Variants in PDLIM1 observed in about 807,000 individuals in gnomAD.
The protein encoded by PDLIM1 is PDZ and LIM domain protein 1.
PDLIM1 carries 25 observed loss-of-function variants against 35.2 expected under a neutral mutation model. The observed-to-expected ratio is 0.71, with a 90% CI of 0.52 to 0.99. The LOEUF is 0.99. Ranked by LOEUF, PDLIM1 falls within the 50% of genes least tolerant of loss-of-function variation. The pLI is 0.00. For missense variants in PDLIM1, 363 were observed against 415.3 expected, an observed-to-expected ratio of 0.87 and a Z score of 1.09; for synonymous variants, 152 against 154.0, an observed-to-expected ratio of 0.99 and a Z score of 0.10.
intron 1 of PDLIM1, among the ~76,000 whole-genome samples, chr10:95,280,313 T>C (rs2035550304): frequency 6.6e-6 from 1 of 152,096 alleles, no homozygotes; most frequent in Admixed American, 6.5e-5. Flanking sequence ...AGGCAGAGGT[T>C]GCAATGAGCC....
rs1332009958 is a variant in PDLIM1, at chr10:95,290,346, G to GT, written c.96+473dup. On this transcript the variant is annotated intron_variant, in intron 1 of 6. Coordinates refer to ENST00000329399, the MANE Select transcript of PDLIM1 (RefSeq NM_020992.4). This position sits in a 1 kb window ranked among gnomAD's most constrained non-coding sequence, Gnocchi z 4.7. ...CAAGTCCAAAGAGCGTGTTTCGGTTGTTTTTTTAGGTTAATCCCACTTGCC... is the reference window on the plus strand; with the variant it reads ...CAAGTCCAAAGAGCGTGTTTCGGTTGTTTTTTTTAGGTTAATCCCACTTGCC... Among the ~76,000 whole-genome samples, 3 of 152,052 alleles carry GT rather than the reference G, an allele frequency of 2.0e-5. No homozygotes were observed. Among genetic ancestry groups the GT allele is most frequent in the Admixed American group, 2.0e-4 (3 of 15,264 alleles).
At chr10:95,281,674 T>C (rs558342183) in intron 1 of PDLIM1, among the ~76,000 whole-genome samples, 2 of 152,316 alleles carry the variant, frequency 1.3e-5, no homozygotes, top group South Asian at 4.1e-4. Context: ...TTTTTTTAAA[T>C]AGAGATGGGG....
intron 1 of PDLIM1, chr10:95,273,121 G>A (rs926847183): frequency 6.6e-6 from 1 of 152,150 alleles, no homozygotes; most frequent in Non-Finnish European, 1.5e-5. Context: ...TCATCCCAGG[G>A]TAAGTTCACA....
chr10:95,283,006 T>G (rs755263625), intron 1 of PDLIM1, among the ~76,000 whole-genome samples: 8 of 152,146 alleles, frequency 5.3e-5, no homozygotes, highest in Non-Finnish European at 8.8e-5. Context: ...TGCTTTTAAA[T>G]AGCTCCAACA....
intron 1 of PDLIM1, among the ~76,000 whole-genome samples, chr10:95,272,872 CCAAT>C (rs1266181660): frequency 6.6e-6 from 1 of 152,026 alleles, no homozygotes; most frequent in Non-Finnish European, 1.5e-5. Context: ...TTGGGGGAAG[CCAAT>C]CAATTACTGC....
chr10:95,277,408 GGC>G (rs1398711478), intron 1 of PDLIM1, among the ~76,000 whole-genome samples: 1 of 151,950 alleles, frequency 6.6e-6, no homozygotes, highest in Admixed American at 6.6e-5. Flanking sequence ...GAGGTCAGAT[GGC>G]AGGCAGATCA....
chr10:95,243,452 C>G (rs977109231), intron 5 of PDLIM1, among the ~76,000 whole-genome samples: 1 of 152,184 alleles, frequency 6.6e-6, no homozygotes, highest in African/African-American at 2.4e-5. Context: ...CTGTCCACTT[C>G]ACTGCTCAAC....
At chr10:95,280,516 A>G (rs2035552490) in intron 1 of PDLIM1, among the ~76,000 whole-genome samples, 1 of 152,214 alleles carries the variant, frequency 6.6e-6, no homozygotes, top group Non-Finnish European at 1.5e-5. Flanking sequence ...GGATTACCAA[A>G]TGCCCTGATT....
chr10:95,257,514 A>C (rs1762148392), intron 4 of PDLIM1, among the ~76,000 whole-genome samples: 1 of 152,226 alleles, frequency 6.6e-6, no homozygotes, highest in Non-Finnish European at 1.5e-5. Flanking sequence ...ATTTGAATAG[A>C]CATTTAGCCA....
intron 5 of PDLIM1, among the ~76,000 whole-genome samples, chr10:95,244,406 T>A (rs527509552): frequency 6.6e-6 from 1 of 152,320 alleles, no homozygotes; most frequent in East Asian, 1.9e-4. Flanking sequence ...TTAGCTTCAA[T>A]GGATCTGTGC....
Position 95,290,715 on chromosome 10 carries a change from C to T in PDLIM1, c.96+105G>A, listed in dbSNP as rs899097753. 42 of 630,892 alleles carry T rather than the reference C, an allele frequency of 6.7e-5. No homozygotes were observed. The African/African-American group carries it at 7.1e-4, about 11-fold the overall frequency. The allele number at this position is 630,892 out of a possible 1,614,324, so 39.1% of individuals were successfully genotyped here. ...AACTAACAGCGCACCTGGACGCGCC[C>T]GGCTGCGGTTCCGACTCCGTCCCCG... On this transcript the variant is annotated intron_variant, in intron 1 of 6. Coordinates refer to ENST00000329399, the MANE Select transcript of PDLIM1 (RefSeq NM_020992.4). The surrounding 1 kb of genome is among the most constrained non-coding windows in gnomAD (Gnocchi z 4.7).
chr10:95,282,671 G>A (rs1352827577), intron 1 of PDLIM1, among the ~76,000 whole-genome samples: 1 of 152,222 alleles, frequency 6.6e-6, no homozygotes, highest in African/African-American at 2.4e-5. Context: ...CAGGCGTGGT[G>A]GCTCATGCCG....
chr10:95,267,283 T>C (rs1232481496), intron 3 of PDLIM1, among the ~76,000 whole-genome samples: 3 of 152,224 alleles, frequency 2.0e-5, no homozygotes, highest in Non-Finnish European at 2.9e-5. Flanking sequence ...CTTATTTACA[T>C]GAAAATGAGG....
chr10:95,243,449 C>A (rs2035194661), intron 5 of PDLIM1, among the ~76,000 whole-genome samples: 1 of 152,194 alleles, frequency 6.6e-6, no homozygotes, highest in Non-Finnish European at 1.5e-5. Flanking sequence ...TTTCTGTCCA[C>A]TTCACTGCTC....
In PDLIM1 at chr10:95,281,283, A is replaced by G. The variant is rs531837702; in HGVS notation, c.97-9499T>C. 1.2e-4 allele frequency among the ~76,000 whole-genome samples: 19 copies of G among 152,122 alleles called. No individual in the cohort carries two copies. The South Asian group carries it at 3.1e-3, about 25-fold the overall frequency. On this transcript the variant is annotated intron_variant, in intron 1 of 6. Coordinates refer to ENST00000329399, the MANE Select transcript of PDLIM1 (RefSeq NM_020992.4). ...CTATCTCTTACCAAAACAGACTTAAAAAAAAAAAAATAGGCCAGGCAGGGA... is the reference window on the plus strand; with the variant it reads ...CTATCTCTTACCAAAACAGACTTAAGAAAAAAAAAATAGGCCAGGCAGGGA...
At chr10:95,248,670 T>C (rs1406824345) in intron 4 of PDLIM1, among the ~76,000 whole-genome samples, 2 of 152,258 alleles carry the variant, frequency 1.3e-5, no homozygotes, top group Non-Finnish European at 2.9e-5. Context: ...ATTCAACTTT[T>C]TTGGAGTAAA....
At chr10:95,263,042 G>A (rs1324945931) in intron 4 of PDLIM1, among the ~76,000 whole-genome samples, 2 of 152,204 alleles carry the variant, frequency 1.3e-5, no homozygotes, top group East Asian at 1.9e-4. Flanking sequence ...CTACTCAGGA[G>A]GCTGAGGTGG....
At chr10:95,271,436 CA>C (rs5787128) in intron 2 of PDLIM1, among the ~76,000 whole-genome samples, 196 bp downstream of exon 2, 19,860 of 71,812 alleles carry the variant, frequency 0.28, 1,420 homozygotes, top group African/African-American at 0.4. Context: ...GACTCCGTCT[CA>C]AAAAAAAAAA....
chr10:95,247,396 G>C (rs763043840), intron 4 of PDLIM1, 30 bp from the exon 5 acceptor site: 1 of 1,581,096 alleles, frequency 6.3e-7, no homozygotes, highest in South Asian at 1.2e-5. Context: ...AATTGATTAG[G>C]ACATGACAGA....
Sources: allele counts gnomAD v4.1 joint callset (sites outside exome capture counted in the v4.1 genomes callset), GRCh38; gene constraint gnomAD v4.1.1; non-coding constraint Gnocchi (gnomAD v3.1); transcripts MANE v1.5; gene names NCBI Gene and HGNC (gene_info 2026-07-23, HGNC 2026-07-21).